The following TASP1 variants were observed in gnomAD, a reference collection of about 807,000 sequenced individuals.
The protein encoded by TASP1 is threonine aspartase 1.
In TASP1, 16 loss-of-function variants were observed where a neutral mutation model predicts 56.6. That is an observed-to-expected ratio of 0.28 (90% CI 0.19 to 0.43). The LOEUF (loss-of-function observed/expected upper bound fraction) is 0.43. Among genes scored for constraint, TASP1 ranks in the 20% least tolerant of loss-of-function variants. The pLI is 1.00. For synonymous variants in TASP1, 179 were observed against 184.2 expected, an observed-to-expected ratio of 0.97 and a Z score of 0.23; for missense variants, 393 against 511.6, an observed-to-expected ratio of 0.77 and a Z score of 2.24.
the TASP1 span, among the ~76,000 whole-genome samples, chr20:13,218,312 A>G: frequency 6.6e-6 from 1 of 151,978 alleles, no homozygotes; most frequent in Non-Finnish European, 1.5e-5. Flanking sequence ...GTGTGCAGAT[A>G]ATCACTCAGG....
At chr20:13,147,165 T>C in the TASP1 span, among the ~76,000 whole-genome samples, 1 of 152,154 alleles carries the variant, frequency 6.6e-6, no homozygotes, top group Non-Finnish European at 1.5e-5. Context: ...GGGGCAAGAC[T>C]GAGCAGCCTG....
the TASP1 span, among the ~76,000 whole-genome samples, chr20:13,336,018 G>A: frequency 6.6e-6 from 1 of 152,118 alleles, no homozygotes; most frequent in African/African-American, 2.4e-5. Context: ...TTACACCAAG[G>A]TGCATCACTG....
chr20:13,475,499 T>C (rs1354711350), intron 11 of TASP1, among the ~76,000 whole-genome samples: 1 of 152,164 alleles, frequency 6.6e-6, no homozygotes, highest in Admixed American at 6.5e-5. Context: ...TTCATGAAAA[T>C]TGAAATGAAT....
chr20:13,299,017 A>G, the TASP1 span: 1 of 1,613,598 alleles, frequency 6.2e-7, no homozygotes, highest in South Asian at 1.1e-5. The surrounding 1 kb of genome is among the most constrained non-coding windows in gnomAD (Gnocchi z 5.8). Flanking sequence ...GTGATGAATG[A>G]CCTGCCCAGC....
intron 7 of TASP1, among the ~76,000 whole-genome samples, chr20:13,566,072 G>T (rs913288465): frequency 1.3e-5 from 2 of 152,150 alleles, no homozygotes; most frequent in African/African-American, 4.8e-5. Context: ...GTCATGCTAA[G>T]TGAAATAAGC....
the TASP1 span, among the ~76,000 whole-genome samples, chr20:13,136,755 G>C: frequency 6.8e-6 from 1 of 147,976 alleles, no homozygotes; most frequent in Non-Finnish European, 1.5e-5. Context: ...TATATAGGGA[G>C]AGAGGAATTT....
the TASP1 span, among the ~76,000 whole-genome samples, chr20:13,122,487 C>T: frequency 3.9e-5 from 6 of 152,180 alleles, no homozygotes; most frequent in East Asian, 1.9e-4. Context: ...CTGGAGAAGT[C>T]GAGTGTGGCC....
At chr20:13,262,296 T>G in the TASP1 span, among the ~76,000 whole-genome samples, 4 of 152,330 alleles carry the variant, frequency 2.6e-5, no homozygotes, top group East Asian at 7.7e-4. Context: ...GCTGGTTAGC[T>G]GCAGCCTGGA....
intron 11 of TASP1, among the ~76,000 whole-genome samples, chr20:13,436,372 G>A (rs1260430449): frequency 2.6e-5 from 4 of 151,462 alleles, no homozygotes; most frequent in Middle Eastern, 3.2e-3. Flanking sequence ...AGGAGGAGGA[G>A]GAAGAGAAGG....
chr20:13,505,012 C>G (rs919521494), intron 10 of TASP1, among the ~76,000 whole-genome samples: 1 of 151,810 alleles, frequency 6.6e-6, no homozygotes, highest in Non-Finnish European at 1.5e-5. Context: ...GGCATACAGA[C>G]CCAACTATAT....
intron 12 of TASP1, among the ~76,000 whole-genome samples, chr20:13,433,841 T>TAAAAAAAAAAAAAAAAAAAAAAA (rs111973613): frequency 8.6e-6 from 1 of 116,186 alleles, no homozygotes; most frequent in Non-Finnish European, 1.8e-5. Flanking sequence ...GTGTTTGTAT[T>TAAAAAAAAAAAAAAAAAAAAAAA]AAAAAAAAAA....
chr20:13,622,265 G>T (rs1014823359), intron 4 of TASP1, among the ~76,000 whole-genome samples: 3 of 152,126 alleles, frequency 2.0e-5, no homozygotes, highest in African/African-American at 7.2e-5. Context: ...CTCATAAATA[G>T]GGAAACTGAG....
At chr20:13,187,957 G>C in the TASP1 span, among the ~76,000 whole-genome samples, 2 of 151,956 alleles carry the variant, frequency 1.3e-5, no homozygotes, top group East Asian at 3.9e-4. Flanking sequence ...ATATATATGA[G>C]GGCATTAAGA....
chr20:13,511,146 G>A (rs1352274946), intron 10 of TASP1, among the ~76,000 whole-genome samples: 1 of 150,954 alleles, frequency 6.6e-6, no homozygotes, highest in Non-Finnish European at 1.5e-5. Flanking sequence ...GTCTGCTGGG[G>A]AGCTTCTAAA....
the TASP1 span, among the ~76,000 whole-genome samples, chr20:13,174,213 C>A: frequency 3.9e-5 from 6 of 152,136 alleles, no homozygotes; most frequent in East Asian, 1.2e-3. Context: ...TTGTTCATCA[C>A]ATCCCATGGG....
intron 12 of TASP1, among the ~76,000 whole-genome samples, chr20:13,420,813 G>A (rs1323647385): frequency 6.6e-6 from 1 of 152,128 alleles, no homozygotes; most frequent in Non-Finnish European, 1.5e-5. Flanking sequence ...TAGGCACACA[G>A]ACTGGATTTC....
At chr20:13,531,098 C>G (rs1195002455) in intron 9 of TASP1, among the ~76,000 whole-genome samples, 2 of 152,130 alleles carry the variant, frequency 1.3e-5, no homozygotes, top group African/African-American at 2.4e-5. Context: ...ATAGCAAGTG[C>G]TTAATTAACA....
chr20:13,267,647 T>C, the TASP1 span, among the ~76,000 whole-genome samples: 87,202 of 152,014 alleles, frequency 0.57, 27,446 homozygotes, highest in African/African-American at 0.84. Flanking sequence ...CCAGGAAAAA[T>C]TCAAGAGTCA....
At chr20:13,498,284 C>A (rs1305452336) in intron 10 of TASP1, among the ~76,000 whole-genome samples, 1 of 151,482 alleles carries the variant, frequency 6.6e-6, no homozygotes, top group African/African-American at 2.4e-5. Flanking sequence ...CAAAAAATCC[C>A]ATTAAAAAGT....
Sources: allele counts gnomAD v4.1 joint callset (sites outside exome capture counted in the v4.1 genomes callset), GRCh38; gene constraint gnomAD v4.1.1; non-coding constraint Gnocchi (gnomAD v3.1); transcripts MANE v1.5; gene names NCBI Gene and HGNC (gene_info 2026-07-23, HGNC 2026-07-21).